The following NRXN3 variants were observed in gnomAD, a reference collection of about 807,000 sequenced individuals.
The protein encoded by NRXN3 is neurexin 3.
Under a neutral mutation model 137.6 loss-of-function variants are expected in NRXN3, and 32 were observed. That is an observed-to-expected ratio of 0.23 (90% CI 0.18 to 0.31). The LOEUF (loss-of-function observed/expected upper bound fraction) is 0.31, where lower values mean the gene tolerates loss of function less well. Ranked by LOEUF, NRXN3 falls within the 10% of genes least tolerant of loss-of-function variation. The pLI, the probability that NRXN3 is intolerant of heterozygous loss-of-function variation, is 1.00. For missense variants in NRXN3, 1,574 were observed against 2,062.5 expected, an observed-to-expected ratio of 0.76 and a Z score of 4.59; for synonymous variants, 798 against 784.5, an observed-to-expected ratio of 1.02 and a Z score of -0.29.
At chr14:78,909,846 ATCTG>A (rs2099231585) in intron 10 of NRXN3, among the ~76,000 whole-genome samples, 1 of 151,896 alleles carries the variant, frequency 6.6e-6, no homozygotes, top group South Asian at 2.1e-4. Flanking sequence ...GTGCTTTTAG[ATCTG>A]TCTTTTTCTC....
chr14:79,530,360 A>G (rs1018965635), intron 16 of NRXN3, among the ~76,000 whole-genome samples: 9 of 152,162 alleles, frequency 5.9e-5, no homozygotes, highest in African/African-American at 4.8e-5. Context: ...ATCAAAATTT[A>G]AAAAATTTTA....
chr14:78,264,852 C>T (rs1431871745), intron 2 of NRXN3, among the ~76,000 whole-genome samples: 5 of 152,158 alleles, frequency 3.3e-5, no homozygotes, highest in African/African-American at 1.2e-4. Context: ...CCATCTCTGC[C>T]CTTTCTAATT....
intron 16 of NRXN3, among the ~76,000 whole-genome samples, chr14:79,486,182 A>G (rs2096654082): frequency 6.6e-6 from 1 of 152,162 alleles, no homozygotes; most frequent in African/African-American, 2.4e-5. Context: ...TTTTGTCAAT[A>G]TAGTAAATTG....
chr14:78,779,422 G>C (rs929469931), intron 8 of NRXN3, among the ~76,000 whole-genome samples: 4 of 151,922 alleles, frequency 2.6e-5, no homozygotes, highest in Admixed American at 6.6e-5. Flanking sequence ...ATTTACATTA[G>C]TAACAAAGCA....
At chr14:78,532,982 C>G (rs1207892720) in intron 4 of NRXN3, among the ~76,000 whole-genome samples, 1 of 152,006 alleles carries the variant, frequency 6.6e-6, no homozygotes, top group African/African-American at 2.4e-5. Context: ...CTCAACAGCT[C>G]TCAATTTCCT....
rs574911464 is a variant in NRXN3 at position 79,488,928 on chromosome 14, T to C, written c.3444+21526T>C. Among the ~76,000 whole-genome samples, 12 of 152,306 alleles carry C rather than the reference T, an allele frequency of 7.9e-5. No individual in the cohort carries two copies. In the South Asian group the frequency reaches 2.5e-3, roughly 32 times the overall value. ...CAACTTGGGTTTCAACCTAGCTCTA[T>C]CTTTTTTCCTCCTAGAGCACCCTTA... On this transcript the variant is annotated intron_variant, in intron 16 of 20. Coordinates refer to ENST00000335750, the MANE Select transcript of NRXN3 (RefSeq NM_001330195.2).
intron 15 of NRXN3, among the ~76,000 whole-genome samples, chr14:79,282,754 C>T (rs978141016): frequency 6.6e-6 from 1 of 152,126 alleles, no homozygotes; most frequent in African/African-American, 2.4e-5. Flanking sequence ...GAACTCCATC[C>T]AGGGTCTGGC....
chr14:79,508,234 T>G (rs2096896377), intron 16 of NRXN3, among the ~76,000 whole-genome samples: 1 of 152,004 alleles, frequency 6.6e-6, no homozygotes, highest in Admixed American at 6.6e-5. Flanking sequence ...AACACTAAAC[T>G]TGGTGCCTAA....
At chr14:78,591,071 T>C (rs887890833) in intron 4 of NRXN3, among the ~76,000 whole-genome samples, 2 of 152,154 alleles carry the variant, frequency 1.3e-5, no homozygotes, top group Admixed American at 1.3e-4. Context: ...AATTATCCCA[T>C]GCCTTGGTGT....
At chr14:78,838,829 A>T (rs1231034915) in intron 10 of NRXN3, among the ~76,000 whole-genome samples, 2 of 152,164 alleles carry the variant, frequency 1.3e-5, no homozygotes, top group Non-Finnish European at 2.9e-5. Context: ...CTTTCTGGCC[A>T]AGAGCTGTGC....
At chr14:79,324,309 T>C (rs1468398923) in intron 15 of NRXN3, among the ~76,000 whole-genome samples, 1 of 152,168 alleles carries the variant, frequency 6.6e-6, no homozygotes, top group Non-Finnish European at 1.5e-5. Flanking sequence ...AAAATTGAAT[T>C]AAATATACAC....
intron 19 of NRXN3, among the ~76,000 whole-genome samples, chr14:79,757,673 G>A (rs1458150148): frequency 1.3e-5 from 2 of 152,136 alleles, no homozygotes; most frequent in Non-Finnish European, 2.9e-5. Flanking sequence ...CTAGAAGTTA[G>A]GACTCCTGAG....
chr14:78,518,863 C>G (rs185336870), intron 4 of NRXN3, among the ~76,000 whole-genome samples: 3 of 152,040 alleles, frequency 2.0e-5, no homozygotes, highest in Non-Finnish European at 2.9e-5. Context: ...GAAGATAAGG[C>G]CTGTGATGGG....
intron 20 of NRXN3, among the ~76,000 whole-genome samples, chr14:79,806,341 T>C (rs910311572): frequency 6.6e-6 from 1 of 152,196 alleles, no homozygotes; most frequent in Non-Finnish European, 1.5e-5. Flanking sequence ...TCAAATCTGT[T>C]GAAGCCTGAC....
intron 10 of NRXN3, among the ~76,000 whole-genome samples, chr14:78,854,488 AT>A (rs1240062643): frequency 1.3e-5 from 2 of 152,106 alleles, no homozygotes; most frequent in Non-Finnish European, 2.9e-5. Context: ...TGGTAGGTAA[AT>A]TTGGTCCAAT....
intron 4 of NRXN3, among the ~76,000 whole-genome samples, chr14:78,598,454 G>A (rs916988705): frequency 5.3e-5 from 8 of 152,144 alleles, no homozygotes; most frequent in African/African-American, 9.7e-5. Flanking sequence ...GGCCTGTTTC[G>A]TCTAGAGTAA....
At chr14:78,276,673 C>T (rs943333330) in intron 2 of NRXN3, among the ~76,000 whole-genome samples, 9 of 152,112 alleles carry the variant, frequency 5.9e-5, no homozygotes, top group East Asian at 1.9e-4. Flanking sequence ...CAGACCTGTC[C>T]GCCTCTGAAA....
intron 1 of NRXN3, among the ~76,000 whole-genome samples, chr14:78,234,596 C>G (rs2065921795): frequency 6.6e-6 from 1 of 152,152 alleles, no homozygotes; most frequent in Non-Finnish European, 1.5e-5. Context: ...ATCCTAGCAC[C>G]AGTCTTCTAC....
chr14:79,400,012 A>C (rs2095145764), intron 15 of NRXN3, among the ~76,000 whole-genome samples: 1 of 152,198 alleles, frequency 6.6e-6, no homozygotes, highest in Non-Finnish European at 1.5e-5. Flanking sequence ...GCATGTGTGC[A>C]TGTGCACCTG....
Sources: allele counts gnomAD v4.1 joint callset (sites outside exome capture counted in the v4.1 genomes callset), GRCh38; gene constraint gnomAD v4.1.1; transcripts MANE v1.5; gene names NCBI Gene and HGNC (gene_info 2026-07-23, HGNC 2026-07-21).